KIAA0408: variants seen among roughly 807,000 people sequenced by gnomAD.
KIAA0408 encodes KIAA0408, also known as uncharacterized protein KIAA0408.
In KIAA0408, 51 loss-of-function variants were observed where a neutral mutation model predicts 60.9. The ratio of observed to expected loss-of-function variants is 0.84; its 90% CI spans 0.67 to 1.06. The LOEUF (loss-of-function observed/expected upper bound fraction) is 1.06. Among genes scored for constraint, KIAA0408 ranks in the 50% least tolerant of loss-of-function variants. The pLI is 0.00. For missense variants in KIAA0408, 787 were observed against 833.9 expected (o/e 0.94, Z 0.69); for synonymous variants, 304 against 282.4 (o/e 1.08, Z -0.77).
chr6:127,453,037 C>A (rs1045545059), intron 2 of KIAA0408, among the ~76,000 whole-genome samples: 13 of 152,040 alleles, frequency 8.6e-5, no homozygotes, highest in Non-Finnish European at 1.8e-4. Flanking sequence ...ACATAAAGCA[C>A]TTACTTTGCC....
chr6:127,441,446 T>A lies in KIAA0408; in HGVS notation c.*2663A>T, dbSNP rs1291849344. On this transcript the variant is annotated 3_prime_UTR_variant, in exon 6 of 6. Transcript: ENST00000483725. ...CACACACACACACAAACTCAAGTAC[T>A]CCTCTCTGCCTCATCCTTATTCCTT... 6.6e-6 allele frequency: 1 copy of A among 152,348 alleles called. No individual in the cohort carries two copies. Among genetic ancestry groups the A allele is most frequent in the Non-Finnish European group, 1.5e-5 (1 of 67,950 alleles). 9.4% of individuals were successfully genotyped at this position (152,348 alleles called of 1,614,324 possible). A position where few individuals can be genotyped will look rare whatever the true frequency, so the allele number is the denominator to read the frequency against.
rs1773088381 is a variant in KIAA0408 at position 127,440,493 on chromosome 6, T to G, written c.*3616A>C. On this transcript the variant is annotated 3_prime_UTR_variant, in exon 6 of 6. Transcript: ENST00000483725. The stretch of plus-strand genomic sequence containing the variant: ...GTGACCACCACAATGCCTGGCTAAT[T>G]TTTTGTATTTTTAGCAGAGAGGGGG... 1 of 151,818 alleles carries G rather than the reference T, an allele frequency of 6.6e-6. No homozygotes were observed. The highest frequency in any genetic ancestry group is 6.6e-5 in the Admixed American group (1 of 15,232). 9.4% of individuals were successfully genotyped at this position (151,818 alleles called of 1,614,324 possible).
intron 4 of KIAA0408, among the ~76,000 whole-genome samples, chr6:127,449,583 C>A (rs192457275): frequency 7.2e-4 from 110 of 152,172 alleles, no homozygotes; most frequent in African/African-American, 2.6e-3. Context: ...ACCTGGGAGG[C>A]AGAGGCTGCA....
In KIAA0408 at chr6:127,447,754, A is replaced by G; in HGVS notation, c.579-14T>C. 1 of 1,525,654 alleles carries G rather than the reference A, an allele frequency of 6.6e-7. No homozygotes were observed. Among genetic ancestry groups the G allele is most frequent in the East Asian group, 2.3e-5 (1 of 44,096 alleles). The allele number at this position is 1,525,654 out of a possible 1,614,324, so 94.5% of individuals were successfully genotyped here. On this transcript the variant is annotated splice_polypyrimidine_tract_variant and intron_variant, in intron 4 of 5. Coordinates refer to ENST00000483725, the MANE Select transcript of KIAA0408 (RefSeq NM_014702.5). ...TCTGACTTCATCCTAAACAATGATA[A>G]AACATGGTGTATTGGTTATAACTTT...
chr6:127,446,656 C>G lies in KIAA0408; in HGVS notation c.1663G>C (p.Asp555His). The G allele has an allele frequency of 6.2e-7, 1 of 1,614,054 alleles. No individual in the cohort carries two copies. Among genetic ancestry groups the G allele is most frequent in the Non-Finnish European group, 8.5e-7 (1 of 1,180,016 alleles). Residue 555 changes from aspartate to histidine, a missense_variant, in exon 5 of 6, where the codon GAT becomes CAT. Physicochemically the swap from Asp to His is moderately conservative, Grantham distance 81. Transcript: ENST00000483725. ...ACAACACCATAATTTGACCTGGGAT[C>G]AGCTGACCTCGGACGGCCAGACAAA... ...SNLSGRPRSA[D>H]PRSNYGVVEK...
At position 127,438,602 on chromosome 6, in the gene KIAA0408, T is replaced by C. The variant is rs1773057256; in HGVS notation, c.*5507A>G. Reference sequence around the variant, plus strand: ...ATCACAGAGTGTAATTATATAAATCTAGATGGTAGGCTTGAAAGTATGATC... The same window carrying C: ...ATCACAGAGTGTAATTATATAAATCCAGATGGTAGGCTTGAAAGTATGATC... On this transcript the variant is annotated 3_prime_UTR_variant, in exon 6 of 6. Coordinates refer to ENST00000483725, the MANE Select transcript of KIAA0408 (RefSeq NM_014702.5). The C allele has an allele frequency of 6.6e-6, 1 of 152,180 alleles. No homozygotes were observed. Among genetic ancestry groups the C allele is most frequent in the African/African-American group, 2.4e-5 (1 of 41,434 alleles). 9.4% of individuals were successfully genotyped at this position (152,180 alleles called of 1,614,324 possible).
At position 127,443,805 on chromosome 6, in the gene KIAA0408, A is replaced by G; in HGVS notation, c.*304T>C. ...TTCCTATTTCAACACATGCACCTAC[A>G]AACACATGGCCATGCACATAACCTT... On this transcript the variant is annotated 3_prime_UTR_variant, in exon 6 of 6. Coordinates refer to ENST00000483725, the MANE Select transcript of KIAA0408 (RefSeq NM_014702.5). 3.6e-6 allele frequency: 1 copy of G among 275,544 alleles called. No individual in the cohort carries two copies. Among genetic ancestry groups the G allele is most frequent in the African/African-American group, 2.3e-5 (1 of 44,206 alleles). 17.1% of individuals were successfully genotyped at this position (275,544 alleles called of 1,614,324 possible).
intron 2 of KIAA0408, among the ~76,000 whole-genome samples, chr6:127,451,497 G>T (rs1367271789): frequency 1.3e-5 from 2 of 152,110 alleles, no homozygotes; most frequent in South Asian, 2.1e-4. Flanking sequence ...ATATAAGAAG[G>T]AACCCTAAAA....
In KIAA0408 at chr6:127,441,753, T is replaced by C. The variant is rs1375401986; in HGVS notation, c.*2356A>G. 1.3e-5 allele frequency: 2 copies of C among 152,198 alleles called. No individual in the cohort carries two copies. Among genetic ancestry groups the C allele is most frequent in the African/African-American group, 4.8e-5 (2 of 41,438 alleles). 9.4% of individuals were successfully genotyped at this position (152,198 alleles called of 1,614,324 possible). On this transcript the variant is annotated 3_prime_UTR_variant, in exon 6 of 6. Transcript: ENST00000483725. The stretch of plus-strand genomic sequence containing the variant: ...CATTTACCTAATAGGTTTTTCCATT[T>C]AAAAGTTATAAAATATTTAAAAAGA...
At chr6:127,452,604 T>A (rs977384058) in intron 2 of KIAA0408, among the ~76,000 whole-genome samples, 4 of 152,156 alleles carry the variant, frequency 2.6e-5, no homozygotes, top group African/African-American at 9.7e-5. Flanking sequence ...CTTTAAAAAA[T>A]TGGCTAGACT....
chr6:127,439,478 A>G lies in KIAA0408; in HGVS notation c.*4631T>C, dbSNP rs879501866. ...TTCACAACTTCTTGAATTTCATAAAACCATTTAAGTCAGGGGTGATGACTT... is the reference window on the plus strand; with the variant it reads ...TTCACAACTTCTTGAATTTCATAAAGCCATTTAAGTCAGGGGTGATGACTT... On this transcript the variant is annotated 3_prime_UTR_variant, in exon 6 of 6. Coordinates refer to ENST00000483725, the MANE Select transcript of KIAA0408 (RefSeq NM_014702.5). 4 of 152,202 alleles carry G rather than the reference A, an allele frequency of 2.6e-5. No individual in the cohort carries two copies. Among genetic ancestry groups the G allele is most frequent in the Admixed American group, 2.6e-4 (4 of 15,278 alleles). The allele number at this position is 152,202 out of a possible 1,614,324, so 9.4% of individuals were successfully genotyped here. A position where few individuals can be genotyped will look rare whatever the true frequency, so the allele number is the denominator to read the frequency against.
chr6:127,455,239 A>C (rs1366686102), intron 1 of KIAA0408, among the ~76,000 whole-genome samples: 1 of 152,136 alleles, frequency 6.6e-6, no homozygotes, highest in Non-Finnish European at 1.5e-5. Context: ...CTCTTCAGTC[A>C]CTAAGCCATT....
chr6:127,448,241 GT>G (rs1484403664), intron 4 of KIAA0408, among the ~76,000 whole-genome samples: 2 of 152,086 alleles, frequency 1.3e-5, no homozygotes, highest in Non-Finnish European at 2.9e-5. Flanking sequence ...CAAATGGAAA[GT>G]GTCATTTGGT....
Position 127,446,956 on chromosome 6 carries a change from TTCTA to T in KIAA0408, c.1359_1362del (p.Asp453GlufsTer67). 6.2e-7 allele frequency: 1 copy of T among 1,614,080 alleles called. No individual in the cohort carries two copies. Among genetic ancestry groups the T allele is most frequent in the Non-Finnish European group, 8.5e-7 (1 of 1,180,016 alleles). On this transcript the variant is annotated frameshift_variant, in exon 5 of 6. Transcript: ENST00000483725. LOFTEE classifies it high-confidence loss of function. ...TGATTTTGCTGTATTGCCTGACAAT[TTCTA>T]TCTGTTCTAAATACAGTTCTGTTAA... is the stretch of plus-strand genomic sequence containing the variant.
Position 127,454,627 on chromosome 6 carries a change from T to C in KIAA0408, c.-120-526A>G, listed in dbSNP as rs552985263. ...TTACTTATGAAGACCCCAAAGTTGGTAGTCAACTTAGGACTGATGTATCAT... is the reference window on the plus strand; with the variant it reads ...TTACTTATGAAGACCCCAAAGTTGGCAGTCAACTTAGGACTGATGTATCAT... On this transcript the variant is annotated intron_variant, in intron 1 of 5. Transcript: ENST00000483725. Among the ~76,000 whole-genome samples the C allele has an allele frequency of 2.0e-5, 3 of 152,262 alleles. No homozygotes were observed. The East Asian group carries it at 5.8e-4, about 29-fold the overall frequency.
intron 2 of KIAA0408, among the ~76,000 whole-genome samples, chr6:127,452,903 G>A (rs1289992614): frequency 6.6e-6 from 1 of 152,046 alleles, no homozygotes. Flanking sequence ...TGCCTTCTCA[G>A]CTCTATTTTA....
rs1311988354 is a variant in KIAA0408, at chr6:127,441,406, AC to A, written c.*2702del. 14 of 151,744 alleles carry A rather than the reference AC, an allele frequency of 9.2e-5. No homozygotes were observed. The highest frequency in any genetic ancestry group is 8.6e-4 in the Admixed American group (13 of 15,204). 9.4% of individuals were successfully genotyped at this position (151,744 alleles called of 1,614,324 possible). A position where few individuals can be genotyped will look rare whatever the true frequency, so the allele number is the denominator to read the frequency against. On this transcript the variant is annotated 3_prime_UTR_variant, in exon 6 of 6. Transcript: ENST00000483725. Reference sequence around the variant, plus strand: ...TATGGAGAACTTATGTGACACTGACACAAACACACACACACACACACACACA... The same window carrying A: ...TATGGAGAACTTATGTGACACTGACAAAACACACACACACACACACACACA...
intron 4 of KIAA0408, among the ~76,000 whole-genome samples, chr6:127,449,389 C>T (rs546846030): frequency 6.6e-6 from 1 of 152,266 alleles, no homozygotes; most frequent in South Asian, 2.1e-4. Context: ...GTGGCTCACG[C>T]CTGTAATCCC....
chr6:127,442,539 AATTCCACTTAACTACCG>A lies in KIAA0408; in HGVS notation c.*1553_*1569del, dbSNP rs1243621944. On this transcript the variant is annotated 3_prime_UTR_variant, in exon 6 of 6. Transcript: ENST00000483725. ...CCAATACAAATCACTCTAGACCTTTAATTCCACTTAACTACCGAAACTGTCCTTACAGTAAAGTATGA... is the reference window on the plus strand; with the variant it reads ...CCAATACAAATCACTCTAGACCTTTAAAACTGTCCTTACAGTAAAGTATGA... The A allele has an allele frequency of 1.3e-5, 2 of 152,222 alleles. No homozygotes were observed. The highest frequency in any genetic ancestry group is 4.8e-5 in the African/African-American group (2 of 41,466). The allele number at this position is 152,222 out of a possible 1,614,324, so 9.4% of individuals were successfully genotyped here. A position where few individuals can be genotyped will look rare whatever the true frequency, so the allele number is the denominator to read the frequency against.
Sources: allele counts gnomAD v4.1 joint callset (sites outside exome capture counted in the v4.1 genomes callset), GRCh38; gene constraint gnomAD v4.1.1; transcripts MANE v1.5; gene names NCBI Gene and HGNC (gene_info 2026-07-23, HGNC 2026-07-21).